The following B3GALT5 variants were observed in gnomAD, a reference collection of about 807,000 sequenced individuals.
The protein encoded by B3GALT5 is beta-1,3-galactosyltransferase 5.
For synonymous variants in B3GALT5, 156 were observed against 158.6 expected (o/e 0.98, Z 0.12); for missense variants, 328 against 396.6 (o/e 0.83, Z 1.47).
In B3GALT5 at chr21:39,672,881, T is replaced by C. The variant is rs150895717; in HGVS notation, c.*11389T>C. 1.3e-5 allele frequency: 2 copies of C among 152,090 alleles called. No homozygotes were observed. The highest frequency in any genetic ancestry group is 4.8e-5 in the African/African-American group (2 of 41,556). The allele number at this position is 152,090 out of a possible 1,614,324, so 9.4% of individuals were successfully genotyped here. A position where few individuals can be genotyped will look rare whatever the true frequency, so the allele number is the denominator to read the frequency against. ...GGGACCCTACGCTTCAGAGTCTTAA[T>C]GGGGTGGGGCAGTGTCCATTGAGGT... On this transcript the variant is annotated 3_prime_UTR_variant, in exon 4 of 4. Coordinates refer to ENST00000684187, the MANE Select transcript of B3GALT5 (RefSeq NM_001356336.2).
Position 39,661,688 on chromosome 21 carries a change from C to T in B3GALT5, c.*196C>T, listed in dbSNP as rs887123432. 2.7e-5 allele frequency: 14 copies of T among 519,288 alleles called. 1 individual carries two copies. The highest frequency in any genetic ancestry group is 2.2e-4 in the South Asian group (4 of 18,316). The allele number at this position is 519,288 out of a possible 1,614,324, so 32.2% of individuals were successfully genotyped here. Reference sequence around the variant, plus strand: ...CAATAATAGGCCCGTCTCTTGGGCACGCACACTCTTCATACTAAGTGTTTG... The same window carrying T: ...CAATAATAGGCCCGTCTCTTGGGCATGCACACTCTTCATACTAAGTGTTTG... On this transcript the variant is annotated 3_prime_UTR_variant, in exon 4 of 4. Coordinates refer to ENST00000684187, the MANE Select transcript of B3GALT5 (RefSeq NM_001356336.2). The surrounding 1 kb of genome is among the most constrained non-coding windows in gnomAD (Gnocchi z 4.7).
chr21:39,659,717 G>A, intron 2 of B3GALT5, 36 bp from the exon 3 acceptor site: 1 of 981,818 alleles, frequency 1.0e-6, no homozygotes, highest in Non-Finnish European at 1.2e-6. Context: ...TAAGGCACGA[G>A]TGATTTGAAT....
chr21:39,656,524 G>C (rs1269448124), intron 2 of B3GALT5, among the ~76,000 whole-genome samples: 1 of 152,206 alleles, frequency 6.6e-6, no homozygotes, highest in Non-Finnish European at 1.5e-5. Flanking sequence ...CCCTTGAGCT[G>C]AGTGCTTTGT....
chr21:39,622,338 C>T (rs577277437), intron 1 of B3GALT5, among the ~76,000 whole-genome samples: 9 of 151,964 alleles, frequency 5.9e-5, no homozygotes, highest in Admixed American at 1.3e-4. Flanking sequence ...TTTGGTTACA[C>T]GTTTCTAAAA....
rs1487108091 is a variant in B3GALT5 at position 39,671,453 on chromosome 21, A to G, written c.*9961A>G. On this transcript the variant is annotated 3_prime_UTR_variant, in exon 4 of 4. Transcript: ENST00000684187. ...GAGAGTAGATACTTGATAATTATCT[A>G]TTGGGTTCTCAGGGGATCTCTCAAA... 2.0e-5 allele frequency: 3 copies of G among 152,018 alleles called. No individual in the cohort carries two copies. The highest frequency in any genetic ancestry group is 7.3e-5 in the African/African-American group (3 of 41,378). 9.4% of individuals were successfully genotyped at this position (152,018 alleles called of 1,614,324 possible).
chr21:39,646,039 A>T (rs953591062), intron 1 of B3GALT5, among the ~76,000 whole-genome samples: 1 of 151,194 alleles, frequency 6.6e-6, no homozygotes, highest in East Asian at 1.9e-4. Flanking sequence ...TTATGAAAAC[A>T]TCTCTTTTAT....
chr21:39,638,027 C>G (rs548133213), intron 1 of B3GALT5, among the ~76,000 whole-genome samples: 1 of 152,090 alleles, frequency 6.6e-6, no homozygotes, highest in African/African-American at 2.4e-5. Context: ...CTTGCCACAC[C>G]GGGCCATTTC....
rs568599219 is a variant in B3GALT5 at position 39,644,971 on chromosome 21, G to T, written c.-391-1421G>T. On this transcript the variant is annotated intron_variant, in intron 1 of 3. Transcript: ENST00000684187. Reference sequence around the variant, plus strand: ...CACTCTTCTTATACTGCCAGGGGTGGGTTGTGTTGTCAGATGATTGGCCCA... The same window carrying T: ...CACTCTTCTTATACTGCCAGGGGTGTGTTGTGTTGTCAGATGATTGGCCCA... Among the ~76,000 whole-genome samples, 89 of 152,198 alleles carry T rather than the reference G, an allele frequency of 5.8e-4. No individual in the cohort carries two copies. In the Middle Eastern group the frequency reaches 0.017, roughly 29 times the overall value.
rs2146235556 is a variant in B3GALT5, at chr21:39,670,698, A to T, written c.*9206A>T. 1 of 152,232 alleles carries T rather than the reference A, an allele frequency of 6.6e-6. No individual in the cohort carries two copies. Among genetic ancestry groups the T allele is most frequent in the African/African-American group, 2.4e-5 (1 of 41,548 alleles). The allele number at this position is 152,232 out of a possible 1,614,324, so 9.4% of individuals were successfully genotyped here. A position where few individuals can be genotyped will look rare whatever the true frequency, so the allele number is the denominator to read the frequency against. Reference sequence around the variant, plus strand: ...TACAGGCAAGAACTGAGGAGGCAATACTATTTAGAATCCTTGATAAACAGT... The same window carrying T: ...TACAGGCAAGAACTGAGGAGGCAATTCTATTTAGAATCCTTGATAAACAGT... On this transcript the variant is annotated 3_prime_UTR_variant, in exon 4 of 4. Coordinates refer to ENST00000684187, the MANE Select transcript of B3GALT5 (RefSeq NM_001356336.2).
intron 2 of B3GALT5, among the ~76,000 whole-genome samples, chr21:39,649,936 C>T (rs2079378727): frequency 6.6e-6 from 1 of 152,144 alleles, no homozygotes; most frequent in South Asian, 2.1e-4. Context: ...GATGAGGATC[C>T]AGAGGCACCC....
intron 2 of B3GALT5, among the ~76,000 whole-genome samples, chr21:39,647,076 G>A (rs1160190979): frequency 6.6e-6 from 1 of 152,076 alleles, no homozygotes; most frequent in Non-Finnish European, 1.5e-5. Flanking sequence ...ACTCCAGCCT[G>A]GGTGACAGAG....
chr21:39,651,789 A>G (rs12481888), intron 2 of B3GALT5, among the ~76,000 whole-genome samples: 2 of 152,014 alleles, frequency 1.3e-5, no homozygotes, highest in Non-Finnish European at 2.9e-5. Flanking sequence ...TTTTTATCAG[A>G]TCTAGAGCTG....
chr21:39,616,195 G>C (rs960749749), intron 1 of B3GALT5, among the ~76,000 whole-genome samples: 2 of 152,110 alleles, frequency 1.3e-5, no homozygotes, highest in Non-Finnish European at 2.9e-5. Context: ...AAATGAAAGA[G>C]CTCTGATTTT....
rs2079643429 is a variant in B3GALT5, at chr21:39,672,887, G to A, written c.*11395G>A. 2.0e-5 allele frequency: 3 copies of A among 152,196 alleles called. 1 individual carries two copies. The South Asian group carries it at 6.2e-4, about 31-fold the overall frequency. 9.4% of individuals were successfully genotyped at this position (152,196 alleles called of 1,614,324 possible). A position where few individuals can be genotyped will look rare whatever the true frequency, so the allele number is the denominator to read the frequency against. Reference sequence around the variant, plus strand: ...CTACGCTTCAGAGTCTTAATGGGGTGGGGCAGTGTCCATTGAGGTGTCCTG... The same window carrying A: ...CTACGCTTCAGAGTCTTAATGGGGTAGGGCAGTGTCCATTGAGGTGTCCTG... On this transcript the variant is annotated 3_prime_UTR_variant, in exon 4 of 4. Coordinates refer to ENST00000684187, the MANE Select transcript of B3GALT5 (RefSeq NM_001356336.2).
chr21:39,624,372 G>A (rs1035404340), intron 1 of B3GALT5, among the ~76,000 whole-genome samples: 3 of 152,076 alleles, frequency 2.0e-5, no homozygotes, highest in Admixed American at 6.5e-5. Flanking sequence ...TTTCATTTCA[G>A]TGTGGGCAAA....
chr21:39,639,928 T>C (rs535225359), intron 1 of B3GALT5, among the ~76,000 whole-genome samples: 2 of 152,176 alleles, frequency 1.3e-5, no homozygotes, highest in Non-Finnish European at 1.5e-5. Flanking sequence ...AATAACAAGC[T>C]GTCAATCAAT....
At chr21:39,653,301 A>T (rs889745845) in intron 2 of B3GALT5, among the ~76,000 whole-genome samples, 2 of 152,202 alleles carry the variant, frequency 1.3e-5, no homozygotes, top group Admixed American at 6.5e-5. Context: ...TCATTCATTC[A>T]TTCTGCTGTT....
intron 1 of B3GALT5, among the ~76,000 whole-genome samples, chr21:39,613,307 T>C (rs1188816780): frequency 6.6e-5 from 10 of 152,224 alleles, no homozygotes; most frequent in African/African-American, 2.2e-4. Flanking sequence ...GTCTTATCGC[T>C]ACTCACGCCA....
At position 39,670,950 on chromosome 21, in the gene B3GALT5, G is replaced by A. The variant is rs1488742505; in HGVS notation, c.*9458G>A. 6.6e-6 allele frequency: 1 copy of A among 152,192 alleles called. No individual in the cohort carries two copies. Among genetic ancestry groups the A allele is most frequent in the Non-Finnish European group, 1.5e-5 (1 of 68,038 alleles). The allele number at this position is 152,192 out of a possible 1,614,324, so 9.4% of individuals were successfully genotyped here. A position where few individuals can be genotyped will look rare whatever the true frequency, so the allele number is the denominator to read the frequency against. ...TTGCTGTAACAGAATACCACAGACT[G>A]GGCGATTTATAGACAATAGAAATTA... On this transcript the variant is annotated 3_prime_UTR_variant, in exon 4 of 4. Coordinates refer to ENST00000684187, the MANE Select transcript of B3GALT5 (RefSeq NM_001356336.2).
Sources: gnomAD v4.1 joint callset for allele counts (sites outside exome capture counted in the v4.1 genomes callset) on GRCh38, gnomAD v4.1.1 for gene constraint, Gnocchi (gnomAD v3.1) non-coding constraint, MANE v1.5 for transcripts, NCBI Gene and HGNC (gene_info 2026-07-23, HGNC 2026-07-21) for gene names.